SLC25A48: variants seen among roughly 807,000 people sequenced by gnomAD.
SLC25A48 encodes the protein solute carrier family 25 member 48.
A neutral mutation model predicts 32.2 loss-of-function variants in SLC25A48; 29 were observed. The ratio of observed to expected loss-of-function variants is 0.90; its 90% confidence interval spans 0.67 to 1.23. SLC25A48 has a LOEUF of 1.23. Ranked by LOEUF, SLC25A48 falls within the 50% of genes most tolerant of loss-of-function variation. The pLI is 0.00. For missense variants in SLC25A48, 399 were observed against 422.7 expected, an observed-to-expected ratio of 0.94 and a Z score of 0.49; for synonymous variants, 164 against 172.3, an observed-to-expected ratio of 0.95 and a Z score of 0.38.
At chr5:135,734,722 C>T (rs991222524) in intron 3 of SLC25A48, among the ~76,000 whole-genome samples, 1 of 150,746 alleles carries the variant, frequency 6.6e-6, no homozygotes, top group Non-Finnish European at 1.5e-5. Context: ...GAGGCTGAGG[C>T]AGGAGAGTGG....
intron 3 of SLC25A48, among the ~76,000 whole-genome samples, chr5:135,699,373 A>G (rs1262128748): frequency 2.0e-5 from 3 of 149,612 alleles, no homozygotes; most frequent in African/African-American, 7.4e-5. Flanking sequence ...CTGCAACAAT[A>G]TGGATGAATC....
At chr5:135,757,136 G>T (rs577272320) in intron 3 of SLC25A48, among the ~76,000 whole-genome samples, 1 of 150,056 alleles carries the variant, frequency 6.7e-6, no homozygotes, top group South Asian at 2.2e-4. Flanking sequence ...AACACACCAT[G>T]ATATGAATGA....
chr5:135,774,525 A>G (rs1200852872), intron 3 of SLC25A48, among the ~76,000 whole-genome samples: 3 of 151,782 alleles, frequency 2.0e-5, no homozygotes, highest in South Asian at 2.1e-4. Flanking sequence ...CCCCTGTGAT[A>G]TATTTTCTAA....
At position 135,631,555 on chromosome 5, in the gene SLC25A48, T is replaced by A. The variant is rs558174271; in HGVS notation, c.-709+2179T>A. Among the ~76,000 whole-genome samples the A allele has an allele frequency of 3.9e-4, 59 of 152,332 alleles. No homozygotes were observed. In the South Asian group the frequency reaches 7.3e-3, roughly 19 times the overall value. ...CTATTTAATGCTCTGGGAGGCCAAA[T>A]TCAAAGCTGAAAGCTCCAGGGTGAC... On this transcript the variant is annotated intron_variant, in intron 2 of 10. Coordinates refer to the SLC25A48 transcript ENST00000646290.
chr5:135,754,564 G>T (rs1755849707), intron 3 of SLC25A48, among the ~76,000 whole-genome samples: 1 of 151,520 alleles, frequency 6.6e-6, no homozygotes, highest in African/African-American at 2.4e-5. Context: ...TACACACTAT[G>T]ATATGAATGA....
intron 4 of SLC25A48, among the ~76,000 whole-genome samples, chr5:135,823,509 C>T (rs75040021): frequency 0.026 from 4,008 of 152,302 alleles, 171 homozygotes; most frequent in African/African-American, 0.091. Flanking sequence ...CCTTCCCTCC[C>T]ACCCTTCTTT....
At chr5:135,609,454 T>C (rs1433430262) in intron 1 of SLC25A48, 1 of 152,120 alleles carries the variant, frequency 6.6e-6, no homozygotes, top group Non-Finnish European at 1.5e-5. Context: ...GAAGAAAACA[T>C]ACAAGTTCTG....
chr5:135,663,038 G>A (rs1753441734), intron 3 of SLC25A48, among the ~76,000 whole-genome samples: 1 of 152,162 alleles, frequency 6.6e-6, no homozygotes, highest in South Asian at 2.1e-4. Flanking sequence ...GATCCTTTGT[G>A]CTGTGAATTA....
chr5:135,617,779 C>T lies in SLC25A48; in HGVS notation c.-848-11458C>T, dbSNP rs529519247. Among the ~76,000 whole-genome samples the T allele has an allele frequency of 3.3e-5, 5 of 151,814 alleles. No homozygotes were observed. In the South Asian group the frequency reaches 1.0e-3, roughly 32 times the overall value. ...GTACAGTTTCCAAAGTTCCTCTTGT[C>T]ACTGATTTCCACTGTGGTCTGAAAA... On this transcript the variant is annotated intron_variant, in intron 1 of 10. Coordinates refer to the SLC25A48 transcript ENST00000646290.
rs1444142846 is a variant in SLC25A48, at chr5:135,852,569, G to A, written c.169G>A (p.Gly57Ser). The A allele has an allele frequency of 4.4e-6, 7 of 1,591,814 alleles. No homozygotes were observed. Among genetic ancestry groups the A allele is most frequent in the Non-Finnish European group, 6.0e-6 (7 of 1,162,298 alleles). The change falls in exon 4 of 8, where the codon GGC (glycine) becomes AGC (serine). Residue 57 changes from glycine to serine, a missense_variant. Coordinates refer to ENST00000681962, the MANE Select transcript of SLC25A48 (RefSeq NM_001349336.2). ...RVVYRRESMF[G>S]FFKGMSFPLA... ...CTTCTGGTTTTCACTGCAGATGTTC[G>A]GCTTCTTCAAGGGCATGTCCTTCCC...
At chr5:135,727,761 T>C (rs988144124) in intron 3 of SLC25A48, among the ~76,000 whole-genome samples, 1 of 152,214 alleles carries the variant, frequency 6.6e-6, no homozygotes, top group African/African-American at 2.4e-5. Flanking sequence ...TTTCATTGTG[T>C]GTCTCTCGGC....
At chr5:135,680,350 A>G (rs1037357448) in intron 3 of SLC25A48, among the ~76,000 whole-genome samples, 1 of 152,172 alleles carries the variant, frequency 6.6e-6, no homozygotes, top group African/African-American at 2.4e-5. Flanking sequence ...TTGCATTTTC[A>G]TGCAAATTTG....
chr5:135,771,819 A>T (rs988328251), intron 3 of SLC25A48, among the ~76,000 whole-genome samples: 1 of 149,732 alleles, frequency 6.7e-6, no homozygotes, highest in Non-Finnish European at 1.5e-5. Context: ...TAGGGGGGGG[A>T]GAACATAATA....
intron 4 of SLC25A48, among the ~76,000 whole-genome samples, chr5:135,869,754 A>G (rs1162947890): frequency 6.6e-6 from 1 of 152,176 alleles, no homozygotes; most frequent in Admixed American, 6.5e-5. Flanking sequence ...TGGGCTTTCA[A>G]AGGCCATCAT....
intron 3 of SLC25A48, among the ~76,000 whole-genome samples, chr5:135,736,667 C>CAT: frequency 6.6e-6 from 1 of 152,068 alleles, no homozygotes; most frequent in Non-Finnish European, 1.5e-5. Flanking sequence ...AGGCAGGCAT[C>CAT]CCCGTGTGAT....
intron 3 of SLC25A48, among the ~76,000 whole-genome samples, chr5:135,752,761 A>G (rs543728614): frequency 6.6e-6 from 1 of 152,206 alleles, no homozygotes; most frequent in South Asian, 2.1e-4. Context: ...TCATATCTCT[A>G]TGATATTATG....
At chr5:135,738,076 T>C (rs1038998621) in intron 3 of SLC25A48, among the ~76,000 whole-genome samples, 4 of 152,224 alleles carry the variant, frequency 2.6e-5, no homozygotes, top group African/African-American at 9.6e-5. Context: ...CTTTCCTCGA[T>C]ACTCTCAGGT....
At chr5:135,790,150 C>A (rs945018151) in intron 3 of SLC25A48, among the ~76,000 whole-genome samples, 28 of 151,400 alleles carry the variant, frequency 1.8e-4, no homozygotes, top group Non-Finnish European at 3.5e-4. Context: ...AATTATTTTT[C>A]ATAATAGTTA....
chr5:135,692,922 C>G (rs550485136), intron 3 of SLC25A48, among the ~76,000 whole-genome samples: 1 of 152,168 alleles, frequency 6.6e-6, no homozygotes, highest in Non-Finnish European at 1.5e-5. Flanking sequence ...AATATAAGGT[C>G]CAATGAGTAA....
Sources: gnomAD v4.1 joint callset for allele counts (sites outside exome capture counted in the v4.1 genomes callset) on GRCh38, gnomAD v4.1.1 for gene constraint, MANE v1.5 for transcripts, NCBI Gene and HGNC (gene_info 2026-07-23, HGNC 2026-07-21) for gene names.